SIN3A: variants seen among roughly 807,000 people sequenced by gnomAD.
SIN3A encodes the protein paired amphipathic helix protein Sin3a.
SIN3A carries 14 observed loss-of-function variants against 146.1 expected under a neutral mutation model. The ratio of observed to expected loss-of-function variants is 0.10; its 90% CI spans 0.06 to 0.15. SIN3A has a LOEUF of 0.15. Ranked by LOEUF, SIN3A falls within the 10% of genes least tolerant of loss-of-function variation. The pLI is 1.00. For missense variants in SIN3A, 1,028 were observed against 1,576.0 expected (o/e 0.65, Z 5.89); for synonymous variants, 572 against 572.0 (o/e 1.00, Z 0.00).
chr15:75,439,718 G>C (rs915663664), intron 1 of SIN3A, among the ~76,000 whole-genome samples: 1 of 151,982 alleles, frequency 6.6e-6, no homozygotes, highest in Non-Finnish European at 1.5e-5. Context: ...CAGACACTCT[G>C]ACCTAAAGTT....
At chr15:75,407,203 T>G in intron 8 of SIN3A, 59 bp from the exon 9 acceptor site, 1 of 1,208,690 alleles carries the variant, frequency 8.3e-7, no homozygotes, top group Admixed American at 1.9e-5. Flanking sequence ...TGAATTTTAT[T>G]TTTGTCTGTA....
chr15:75,424,615 C>T (rs1423266107), intron 2 of SIN3A, among the ~76,000 whole-genome samples: 2 of 152,212 alleles, frequency 1.3e-5, no homozygotes, highest in East Asian at 3.9e-4. Flanking sequence ...GCTGGGACTA[C>T]AGGCATGTAC....
At chr15:75,393,047 T>C (rs2141427590) in intron 14 of SIN3A, among the ~76,000 whole-genome samples, 1 of 152,286 alleles carries the variant, frequency 6.6e-6, no homozygotes, top group Non-Finnish European at 1.5e-5. Flanking sequence ...CTGGCCAATA[T>C]GGTGAAACCC....
intron 1 of SIN3A, among the ~76,000 whole-genome samples, chr15:75,448,936 C>T (rs2074354532): frequency 6.6e-6 from 1 of 152,168 alleles, no homozygotes; most frequent in Non-Finnish European, 1.5e-5. Context: ...TACGAAGTGC[C>T]AATCTTTCTA....
chr15:75,382,112 G>A (rs1369183752), intron 17 of SIN3A, among the ~76,000 whole-genome samples: 1 of 152,158 alleles, frequency 6.6e-6, no homozygotes, highest in Non-Finnish European at 1.5e-5. Flanking sequence ...ACATGGAGAA[G>A]GTCAGAGCCT....
chr15:75,449,872 C>G (rs1324310437), intron 1 of SIN3A, among the ~76,000 whole-genome samples: 1 of 152,186 alleles, frequency 6.6e-6, no homozygotes, highest in Non-Finnish European at 1.5e-5. Flanking sequence ...CCTCGCCTCC[C>G]GGGTTCAAGT....
At chr15:75,375,977 C>T in intron 19 of SIN3A, 105 bp from the exon 20 acceptor site, 1 of 1,127,548 alleles carries the variant, frequency 8.9e-7, no homozygotes, top group Non-Finnish European at 1.3e-6. Context: ...GTACTCATCC[C>T]AATTTGTTAA....
At chr15:75,396,615 A>C (rs531262457) in intron 12 of SIN3A, 119 bp from the exon 13 acceptor site, 6 of 696,944 alleles carry the variant, frequency 8.6e-6, no homozygotes, top group East Asian at 7.8e-5. Context: ...GTTCTGCCCT[A>C]CTAGCTACAT....
In SIN3A at chr15:75,396,423, A is replaced by C; in HGVS notation, c.1928T>G (p.Leu643Trp). ...LEAIQKKLSR[L>W]SAEEQAKFRL... ...AAATTTGGCTTGTTCTTCAGCAGAC[A>C]AGCGGGAAAGCTTCTTCTGTATTGC... is the stretch of plus-strand genomic sequence containing the variant. Residue 643 changes from leucine (L) to tryptophan (W), a missense_variant, in exon 13 of 21, where the codon TTG (leucine) becomes TGG (tryptophan). Physicochemically the swap from Leu to Trp is moderately conservative, Grantham distance 61. Transcript: ENST00000394947. 3 of 1,614,140 alleles carry C rather than the reference A, an allele frequency of 1.9e-6. No individual in the cohort carries two copies. Among genetic ancestry groups the C allele is most frequent in the Non-Finnish European group, 2.5e-6 (3 of 1,180,004 alleles).
At chr15:75,444,016 T>C (rs1196962928) in intron 1 of SIN3A, among the ~76,000 whole-genome samples, 1 of 152,210 alleles carries the variant, frequency 6.6e-6, no homozygotes, top group Non-Finnish European at 1.5e-5. Context: ...CTTTAGCATA[T>C]TTGAGAATTG....
intron 2 of SIN3A, 49 bp downstream of exon 2, chr15:75,430,138 C>A (rs2073990713): frequency 1.4e-6 from 2 of 1,475,326 alleles, no homozygotes; most frequent in East Asian, 4.5e-5. Flanking sequence ...TTGCCTAAAA[C>A]CACTATTTCT....
intron 13 of SIN3A, among the ~76,000 whole-genome samples, chr15:75,395,078 CA>C (rs888804276): frequency 2.0e-5 from 3 of 152,142 alleles, no homozygotes; most frequent in Non-Finnish European, 2.9e-5. Context: ...TGATTTATCT[CA>C]AAGTCAAATA....
chr15:75,455,088 G>A (rs1421845909), upstream of SIN3A: 1 of 136,316 alleles, frequency 7.3e-6, no homozygotes, highest in East Asian at 2.6e-4. Context: ...CCCGCCCCCA[G>A]AGTCCATAAC....
intron 19 of SIN3A, among the ~76,000 whole-genome samples, chr15:75,379,067 T>C (rs1275154160): frequency 8.6e-5 from 13 of 151,882 alleles, no homozygotes; most frequent in South Asian, 4.2e-4. Context: ...GCCCAGCTAA[T>C]TTTCTGTATT....
chr15:75,437,158 G>A (rs1218233305), intron 1 of SIN3A, among the ~76,000 whole-genome samples: 1 of 149,192 alleles, frequency 6.7e-6, no homozygotes, highest in Admixed American at 6.7e-5. Flanking sequence ...AATCCTGTCA[G>A]ATAGGCAGTC....
intron 9 of SIN3A, among the ~76,000 whole-genome samples, chr15:75,403,526 G>GT (rs2073451682): frequency 6.6e-6 from 1 of 151,066 alleles, no homozygotes; most frequent in Non-Finnish European, 1.5e-5. Flanking sequence ...AGTTACTCAG[G>GT]TTTTTGTTGC....
chr15:75,447,540 C>T (rs1042408677), intron 1 of SIN3A: 5 of 152,220 alleles, frequency 3.3e-5, no homozygotes, highest in Non-Finnish European at 7.3e-5. Flanking sequence ...TATCATCTCT[C>T]TCTCCCAGCT....
chr15:75,400,856 T>A lies in SIN3A; in HGVS notation c.1611A>T (p.Arg537=), dbSNP rs777829468. ...TCTCCATAGCAATGCCCTCTGTGGCTCGCTCCTTTGGATAAGTTTCCAGAT... is the reference window on the plus strand; with the variant it reads ...TCTCCATAGCAATGCCCTCTGTGGCACGCTCCTTTGGATAAGTTTCCAGAT... ...SVHLETYPKE[R]ATEGIAMEID... is the part of the protein sequence containing the mutation. The change falls in exon 11 of 21, where the codon CGA becomes CGT. Residue 537 remains arginine, a synonymous_variant. Transcript: ENST00000394947. 6.2e-7 allele frequency: 1 copy of A among 1,614,180 alleles called. No homozygotes were observed. The highest frequency in any genetic ancestry group is 8.5e-7 in the Non-Finnish European group (1 of 1,180,018).
At chr15:75,413,104 A>C in intron 4 of SIN3A, 59 bp from the exon 5 acceptor site, 1 of 1,501,690 alleles carries the variant, frequency 6.7e-7, no homozygotes, top group Non-Finnish European at 9.0e-7. Flanking sequence ...CCCTGTTAAG[A>C]AAAAATTTCA....
Sources: allele counts gnomAD v4.1 joint callset (sites outside exome capture counted in the v4.1 genomes callset), GRCh38; gene constraint gnomAD v4.1.1; transcripts MANE v1.5; gene names NCBI Gene and HGNC (gene_info 2026-07-23, HGNC 2026-07-21).